Variants in FAF1 observed in about 807,000 individuals in gnomAD.
FAF1 encodes Fas associated factor 1, also known as FAS-associated factor 1.
Under a neutral mutation model 92.5 loss-of-function variants are expected in FAF1, and 25 were observed. The ratio of observed to expected loss-of-function variants is 0.27; its 90% CI spans 0.20 to 0.38. The LOEUF is 0.38. FAF1 is among the 10% of genes least tolerant of loss of function. The probability of loss-of-function intolerance (pLI) is 1.00; values close to 1 mark genes in which losing one functional copy is unlikely to be tolerated. For missense variants in FAF1, 636 were observed against 793.3 expected (o/e 0.80, Z 2.38); for synonymous variants, 234 against 273.2 (o/e 0.86, Z 1.42).
chr1:50,678,523 A>G, intron 7 of FAF1, among the ~76,000 whole-genome samples: 1 of 152,038 alleles, frequency 6.6e-6, no homozygotes, highest in Non-Finnish European at 1.5e-5. Flanking sequence ...GGTGGCTCAC[A>G]TATAATCCCA....
chr1:50,506,091 T>G (rs1647054837), intron 15 of FAF1, among the ~76,000 whole-genome samples: 1 of 152,208 alleles, frequency 6.6e-6, no homozygotes, highest in African/African-American at 2.4e-5. Context: ...ATGATTTGAT[T>G]AAGCATATGA....
chr1:50,622,299 C>T (rs549250419), intron 8 of FAF1, among the ~76,000 whole-genome samples: 1 of 152,278 alleles, frequency 6.6e-6, no homozygotes, highest in South Asian at 2.1e-4. Flanking sequence ...CTTAATACAC[C>T]CCTTTCCCAA....
chr1:50,956,872 C>T (rs1392034271), intron 1 of FAF1, among the ~76,000 whole-genome samples: 2 of 152,168 alleles, frequency 1.3e-5, no homozygotes, highest in South Asian at 2.1e-4. Context: ...CACTTGAACC[C>T]GAGAGGCGGA....
chr1:50,692,688 T>TG (rs1656993174), intron 7 of FAF1, among the ~76,000 whole-genome samples: 1 of 152,246 alleles, frequency 6.6e-6, no homozygotes, highest in South Asian at 2.1e-4. Context: ...TATTCACTGA[T>TG]GAACACTTAC....
intron 7 of FAF1, among the ~76,000 whole-genome samples, chr1:50,705,246 T>C (rs1466908463): frequency 2.0e-5 from 3 of 152,174 alleles, no homozygotes; most frequent in African/African-American, 4.8e-5. Flanking sequence ...GTGGCCCTGG[T>C]TGGTCGTGTT....
At chr1:50,651,443 G>T (rs1390213646) in intron 8 of FAF1, among the ~76,000 whole-genome samples, 1 of 151,920 alleles carries the variant, frequency 6.6e-6, no homozygotes, top group Non-Finnish European at 1.5e-5. Context: ...CTTGATCTAT[G>T]GTATTTTCAT....
intron 18 of FAF1, among the ~76,000 whole-genome samples, chr1:50,470,148 G>A (rs1466723811): frequency 2.0e-5 from 3 of 152,262 alleles, no homozygotes; most frequent in South Asian, 2.1e-4. Flanking sequence ...ACCATAGGAA[G>A]GTTTTTGTAG....
intron 5 of FAF1, among the ~76,000 whole-genome samples, chr1:50,741,029 T>G (rs933316275): frequency 2.0e-5 from 3 of 152,248 alleles, no homozygotes; most frequent in Admixed American, 6.5e-5. Flanking sequence ...CTTAAGTTAT[T>G]TACTCATGCA....
chr1:50,904,707 A>T (rs1644821335), intron 1 of FAF1, among the ~76,000 whole-genome samples: 1 of 152,112 alleles, frequency 6.6e-6, no homozygotes, highest in Non-Finnish European at 1.5e-5. Context: ...CTGCTTATAA[A>T]TATTACTAAT....
chr1:50,651,121 G>A (rs1243338874), intron 8 of FAF1, among the ~76,000 whole-genome samples: 1 of 152,182 alleles, frequency 6.6e-6, no homozygotes, highest in African/African-American at 2.4e-5. Flanking sequence ...GATTATAAAA[G>A]AATTGATTAC....
intron 2 of FAF1, among the ~76,000 whole-genome samples, chr1:50,806,872 C>A (rs1569979150): frequency 2.6e-5 from 4 of 152,092 alleles, no homozygotes; most frequent in African/African-American, 9.6e-5. Flanking sequence ...AGCAAAAAAA[C>A]AAACAAACAA....
chr1:50,705,276 T>C lies in FAF1; in HGVS notation c.657+510A>G, dbSNP rs150853437. On this transcript the variant is annotated intron_variant, in intron 7 of 18. Coordinates refer to ENST00000396153, the MANE Select transcript of FAF1 (RefSeq NM_007051.3). ...CGTGTTGAAGAAAATACTGACACTATAAATAGACTCTTCTCATATTCTAAG... is the reference window on the plus strand; with the variant it reads ...CGTGTTGAAGAAAATACTGACACTACAAATAGACTCTTCTCATATTCTAAG... Among the ~76,000 whole-genome samples, 1,159 of 152,284 alleles carry C rather than the reference T, an allele frequency of 7.6e-3. 5 individuals are homozygous for C. Among genetic ancestry groups the C allele is most frequent in the Non-Finnish European group, 0.012 (817 of 68,020 alleles).
intron 4 of FAF1, among the ~76,000 whole-genome samples, chr1:50,759,000 G>A (rs547951023): frequency 6.6e-5 from 10 of 152,004 alleles, no homozygotes; most frequent in African/African-American, 2.2e-4. Context: ...CAGCCACCAC[G>A]TCCAGCTAAT....
intron 6 of FAF1, among the ~76,000 whole-genome samples, chr1:50,708,577 A>G (rs1271638662): frequency 6.6e-6 from 1 of 152,114 alleles, no homozygotes; most frequent in African/African-American, 2.4e-5. Flanking sequence ...CAAGTAAGAG[A>G]GCCCAGAGCA....
At chr1:50,934,590 G>A (rs1333573576) in intron 1 of FAF1, among the ~76,000 whole-genome samples, 1 of 152,088 alleles carries the variant, frequency 6.6e-6, no homozygotes, top group African/African-American at 2.4e-5. Context: ...CAAGCATGGT[G>A]GTGCACACCT....
intron 12 of FAF1, among the ~76,000 whole-genome samples, chr1:50,568,882 G>C (rs535907622): frequency 1.1e-3 from 166 of 152,234 alleles, no homozygotes; most frequent in African/African-American, 3.9e-3. Context: ...GCTTGTAATG[G>C]GAATAAGGGC....
At chr1:50,761,467 G>A (rs972162758) in intron 4 of FAF1, among the ~76,000 whole-genome samples, 76 of 152,226 alleles carry the variant, frequency 5.0e-4, no homozygotes, top group African/African-American at 1.8e-3. Context: ...GAATCCAGCA[G>A]CACATCAAAA....
intron 15 of FAF1, among the ~76,000 whole-genome samples, chr1:50,513,603 C>A (rs896270683): frequency 2.0e-5 from 3 of 152,190 alleles, no homozygotes; most frequent in Admixed American, 6.5e-5. Context: ...TTGTTTATCT[C>A]ACCAAATCTA....
intron 8 of FAF1, among the ~76,000 whole-genome samples, chr1:50,617,108 T>C (rs1338430546): frequency 6.6e-6 from 1 of 152,224 alleles, no homozygotes; most frequent in Non-Finnish European, 1.5e-5. Flanking sequence ...TTTGACTTCT[T>C]TTTCCATTTG....
Sources: allele counts gnomAD v4.1 joint callset (sites outside exome capture counted in the v4.1 genomes callset), GRCh38; gene constraint gnomAD v4.1.1; transcripts MANE v1.5; gene names NCBI Gene and HGNC (gene_info 2026-07-23, HGNC 2026-07-21).